The following COL14A1 variants were observed in gnomAD, a reference collection of about 807,000 sequenced individuals.
COL14A1 encodes the protein collagen type XIV alpha 1 chain, also known as collagen alpha-1(XIV) chain.
Under a neutral mutation model 230.3 loss-of-function variants are expected in COL14A1, and 136 were observed. The ratio of observed to expected loss-of-function variants is 0.59; its 90% CI spans 0.51 to 0.68. COL14A1 has a LOEUF of 0.68. Among genes scored for constraint, COL14A1 ranks in the 30% least tolerant of loss-of-function variants. The pLI is 0.00. For missense variants in COL14A1, 1,976 were observed against 2,215.8 expected (o/e 0.89, Z 2.17); for synonymous variants, 792 against 784.1 (o/e 1.01, Z -0.17).
At chr8:120,319,456 C>G (rs1034206074) in intron 40 of COL14A1, among the ~76,000 whole-genome samples, 8 of 151,994 alleles carry the variant, frequency 5.3e-5, no homozygotes, top group East Asian at 1.9e-4. Context: ...ATTACAAGCA[C>G]GAGCCACAAC....
intron 36 of COL14A1, among the ~76,000 whole-genome samples, chr8:120,305,240 A>G (rs1192324929): frequency 2.0e-5 from 3 of 152,184 alleles, no homozygotes; most frequent in Admixed American, 2.0e-4. Context: ...TCGGCCTCCC[A>G]AAGTGCTGGG....
rs2305597 is a variant in COL14A1, at chr8:120,196,761, A to C, written c.437-30A>C. 422,750 of 1,605,426 alleles carry C rather than the reference A, an allele frequency of 0.26. 58,110 individuals carry two copies. The highest frequency in any genetic ancestry group is 0.43 in the African/African-American group (32,002 of 74,646). ...TTTTTGAAGTTGCTCTGACAGTAAC[A>C]CATGCGCTTTTCTGGTTTGTGCTTT... On this transcript the variant is annotated intron_variant, in intron 5 of 47. Transcript: ENST00000297848.
chr8:120,171,822 G>C (rs1816101014), intron 5 of COL14A1, among the ~76,000 whole-genome samples: 1 of 151,802 alleles, frequency 6.6e-6, no homozygotes, highest in African/African-American at 2.4e-5. Flanking sequence ...ATCTCAATTA[G>C]ATTTATGACA....
At chr8:120,307,300 G>A (rs1820884527) in intron 36 of COL14A1, among the ~76,000 whole-genome samples, 1 of 152,170 alleles carries the variant, frequency 6.6e-6, no homozygotes, top group Non-Finnish European at 1.5e-5. Context: ...AAACTATAAT[G>A]AAGCATATAT....
Position 120,327,248 on chromosome 8 carries a change from A to T in COL14A1, c.4660-4893A>T, listed in dbSNP as rs534513367. On this transcript the variant is annotated intron_variant, in intron 40 of 47. Coordinates refer to ENST00000297848, the MANE Select transcript of COL14A1 (RefSeq NM_021110.4). ...CCAGCTGCTATGGTGCTGACTGCTA[A>T]CCACTCATAATTGTCCCCTTCTCCA... Among the ~76,000 whole-genome samples, 6 of 152,280 alleles carry T rather than the reference A, an allele frequency of 3.9e-5. No homozygotes were observed. The South Asian group carries it at 1.2e-3, about 32-fold the overall frequency.
chr8:120,298,638 T>TATATATATATATATATATAC (rs398009611), intron 35 of COL14A1, among the ~76,000 whole-genome samples: 1 of 118,920 alleles, frequency 8.4e-6, no homozygotes, highest in Non-Finnish European at 1.8e-5. Flanking sequence ...TATATATATA[T>TATATATATATATATATATAC]ACAAAAATAC....
chr8:120,159,674 T>C (rs1425417401), intron 3 of COL14A1, among the ~76,000 whole-genome samples: 1 of 152,022 alleles, frequency 6.6e-6, no homozygotes. Flanking sequence ...AAAGGCCAAA[T>C]CTTTTATTTA....
intron 37 of COL14A1, among the ~76,000 whole-genome samples, chr8:120,311,062 A>G (rs1656386056): frequency 6.6e-6 from 1 of 152,246 alleles, no homozygotes; most frequent in Admixed American, 6.5e-5. Context: ...GCAAGGTAGA[A>G]GAAAATATTG....
chr8:120,345,563 G>A lies in COL14A1; in HGVS notation c.5077G>A (p.Gly1693Ser), dbSNP rs1822478731. 6.5e-7 allele frequency: 1 copy of A among 1,540,334 alleles called. No homozygotes were observed. Among genetic ancestry groups the A allele is most frequent in the African/African-American group, 1.4e-5 (1 of 70,658 alleles). The change falls in exon 45 of 48, where the codon GGT becomes AGT. Residue 1693 changes from glycine (G) to serine (S), a missense_variant and splice_region_variant. By Grantham distance (56) the Gly-to-Ser change is moderately conservative (BLOSUM62 0). This residue lies in a region of COL14A1 where 1,791 missense variants were observed against 2,019.5 expected (regional missense o/e 0.89). Transcript: ENST00000297848. ...CGTGCCAGGGACCCCAGGAGAACGA[G>A]GTAAGCTGGGCCCCTTCTCTCAGAG... ...AGVPGTPGER[G>S]LTGIKGEKGN...
chr8:120,277,889 C>G (rs1053923103), intron 26 of COL14A1: 1 of 282,104 alleles, frequency 3.5e-6, no homozygotes, highest in African/African-American at 2.2e-5. Context: ...CAAACCTACA[C>G]AATGTACCCT....
intron 36 of COL14A1, among the ~76,000 whole-genome samples, chr8:120,308,963 G>T (rs1820939432): frequency 1.3e-5 from 2 of 152,074 alleles, no homozygotes; most frequent in Non-Finnish European, 2.9e-5. Flanking sequence ...GTTTTGAGAG[G>T]GAGTCTCACT....
intron 20 of COL14A1, among the ~76,000 whole-genome samples, chr8:120,246,540 A>G (rs931010879): frequency 2.6e-5 from 4 of 152,216 alleles, no homozygotes; most frequent in African/African-American, 9.6e-5. Context: ...ATCAAGTAGT[A>G]TTTTACCTAG....
chr8:120,357,440 TC>T (rs1823027458), intron 45 of COL14A1, among the ~76,000 whole-genome samples: 1 of 152,102 alleles, frequency 6.6e-6, no homozygotes, highest in Admixed American at 6.6e-5. Context: ...GCAGAGGAGT[TC>T]CCATTATGAT....
intron 26 of COL14A1, among the ~76,000 whole-genome samples, chr8:120,272,055 A>C (rs1424750531): frequency 6.6e-6 from 1 of 151,608 alleles, no homozygotes; most frequent in Non-Finnish European, 1.5e-5. Context: ...AATGGCTAAG[A>C]AAATGTGGGC....
intron 45 of COL14A1, among the ~76,000 whole-genome samples, chr8:120,350,569 A>C (rs1822713461): frequency 6.6e-6 from 1 of 151,192 alleles, no homozygotes; most frequent in Non-Finnish European, 1.5e-5. Context: ...AAAACAAAAA[A>C]AGGCAGGGGT....
rs183832715 is a variant in COL14A1 at position 120,331,263 on chromosome 8, A to G, written c.4660-878A>G. Among the ~76,000 whole-genome samples the G allele has an allele frequency of 3.9e-3, 593 of 152,288 alleles. 5 individuals are homozygous for G. The highest frequency in any genetic ancestry group is 0.014 in the African/African-American group (571 of 41,550). ...AGTTGGTTTGAGATGGAAAATAATTATTCCAATGGGACACCAATTCCGTGG... is the reference window on the plus strand; with the variant it reads ...AGTTGGTTTGAGATGGAAAATAATTGTTCCAATGGGACACCAATTCCGTGG... On this transcript the variant is annotated intron_variant, in intron 40 of 47. Transcript: ENST00000297848.
intron 5 of COL14A1, among the ~76,000 whole-genome samples, chr8:120,175,265 T>C (rs1457701250): frequency 1.3e-5 from 2 of 152,260 alleles, no homozygotes; most frequent in African/African-American, 4.8e-5. Flanking sequence ...TTTGCATTAA[T>C]GGCTATTTCT....
Position 120,278,536 on chromosome 8 carries a change from C to G in COL14A1, c.3439C>G (p.Gln1147Glu), listed in dbSNP as rs766551128. ...VIVVITDGRS[Q>E]DDVNKISREM... ...CGTGGTTATAACTGATGGAAGATCA[C>G]AAGATGATGTGAACAAAATCTCCAG... Residue 1147 changes from glutamine (Q) to glutamate (E), a missense_variant, in exon 28 of 48, where the codon CAA becomes GAA. Gln to Glu is a conservative substitution (Grantham distance 29). Coordinates refer to ENST00000297848, the MANE Select transcript of COL14A1 (RefSeq NM_021110.4). 6.2e-7 allele frequency: 1 copy of G among 1,612,792 alleles called. No homozygotes were observed. Among genetic ancestry groups the G allele is most frequent in the African/African-American group, 1.3e-5 (1 of 74,908 alleles).
chr8:120,354,067 A>C (rs1411714119), intron 45 of COL14A1, among the ~76,000 whole-genome samples: 2 of 124,584 alleles, frequency 1.6e-5, no homozygotes, highest in Non-Finnish European at 3.3e-5. Context: ...AGCCATAAAA[A>C]ATGATGAGTT....
Sources: allele counts gnomAD v4.1 joint callset (sites outside exome capture counted in the v4.1 genomes callset), GRCh38; gene constraint gnomAD v4.1.1; regional missense constraint gnomAD v4.1.1; transcripts MANE v1.5; gene names NCBI Gene and HGNC (gene_info 2026-07-23, HGNC 2026-07-21).